DNAH14: variants seen among roughly 807,000 people sequenced by gnomAD.
DNAH14 encodes axonemal beta dynein heavy chain 14.
A neutral mutation model predicts 520.9 loss-of-function variants in DNAH14; 478 were observed. That is an observed-to-expected ratio of 0.92 (90% CI 0.85 to 0.99). The LOEUF (loss-of-function observed/expected upper bound fraction) is 0.99. DNAH14 is among the 50% of genes least tolerant of loss of function. The probability of loss-of-function intolerance (pLI) is 0.00; values close to 1 mark genes in which losing one functional copy is unlikely to be tolerated. For synonymous variants in DNAH14, 1,581 were observed against 1,757.2 expected, an observed-to-expected ratio of 0.90 and a Z score of 2.51; for missense variants, 4,831 against 5,234.5, an observed-to-expected ratio of 0.92 and a Z score of 2.38.
chr1:225,233,979 G>A (rs1402726927), intron 42 of DNAH14, among the ~76,000 whole-genome samples: 2 of 152,092 alleles, frequency 1.3e-5, no homozygotes, highest in Admixed American at 1.3e-4. Flanking sequence ...GTGTAAGGAA[G>A]GGGTCCAGTT....
chr1:225,372,143 C>A lies in DNAH14; in HGVS notation c.12319-2545C>A, dbSNP rs182574598. On this transcript the variant is annotated intron_variant, in intron 77 of 85. Coordinates refer to ENST00000682510, the MANE Select transcript of DNAH14 (RefSeq NM_001367479.1). Reference sequence around the variant, plus strand: ...TGCATCCATGTTCTTTATGGGAAGGCTTCCCATATCATAACTATCAATTCT... The same window carrying A: ...TGCATCCATGTTCTTTATGGGAAGGATTCCCATATCATAACTATCAATTCT... Among the ~76,000 whole-genome samples the A allele has an allele frequency of 5.3e-5, 8 of 152,226 alleles. No homozygotes were observed. In the East Asian group the frequency reaches 1.4e-3, roughly 26 times the overall value.
At chr1:225,033,075 A>G (rs2066660825) in intron 11 of DNAH14, among the ~76,000 whole-genome samples, 1 of 152,100 alleles carries the variant, frequency 6.6e-6, no homozygotes, top group East Asian at 1.9e-4. Context: ...GAAGCTCTTA[A>G]GTTTAATTAG....
intron 37 of DNAH14, among the ~76,000 whole-genome samples, chr1:225,192,213 G>A (rs1221699163): frequency 1.3e-5 from 2 of 152,020 alleles, no homozygotes; most frequent in South Asian, 4.1e-4. Flanking sequence ...GCTTCCACAG[G>A]TCTGTAATCT....
At chr1:225,120,773 A>G (rs990814725) in intron 26 of DNAH14, among the ~76,000 whole-genome samples, 1 of 152,178 alleles carries the variant, frequency 6.6e-6, no homozygotes, top group Non-Finnish European at 1.5e-5. Context: ...TAGGCAAGAA[A>G]CCCTGAAAAA....
chr1:224,973,312 A>G (rs533990233), intron 7 of DNAH14, among the ~76,000 whole-genome samples: 57 of 130,466 alleles, frequency 4.4e-4, no homozygotes, highest in African/African-American at 2.1e-3. Flanking sequence ...TATCCCCACT[A>G]TTTTCCCACT....
intron 43 of DNAH14, among the ~76,000 whole-genome samples, chr1:225,243,712 A>G (rs1405932877): frequency 1.3e-5 from 2 of 152,068 alleles, no homozygotes; most frequent in East Asian, 3.9e-4. Context: ...TGGTACTAAG[A>G]CAAAGAAAGT....
intron 10 of DNAH14, among the ~76,000 whole-genome samples, chr1:225,015,867 C>G (rs1175124363): frequency 6.6e-6 from 1 of 152,156 alleles, no homozygotes; most frequent in Non-Finnish European, 1.5e-5. Context: ...ACTCACCAGA[C>G]TATGGAGGGT....
intron 75 of DNAH14, among the ~76,000 whole-genome samples, chr1:225,362,889 A>G (rs1020016658): frequency 6.6e-6 from 1 of 152,216 alleles, no homozygotes; most frequent in African/African-American, 2.4e-5. Flanking sequence ...AATATGCAGC[A>G]TAATTATTTT....
chr1:225,206,058 C>G lies in DNAH14; in HGVS notation c.6065C>G (p.Thr2022Arg). ...AACTCTGTGCTAGATGATACTAGAA[C>G]ATTGTGCCTAGCAAACAGTGAGAGA... ...NLNSVLDDTR[T>R]LCLANSERIA... is the part of the protein sequence containing the mutation. Residue 2022 changes from threonine (T) to arginine (R), a missense_variant, in exon 40 of 86, where the codon ACA becomes AGA. Coordinates refer to ENST00000682510, the MANE Select transcript of DNAH14 (RefSeq NM_001367479.1). 1 of 1,551,594 alleles carries G rather than the reference C, an allele frequency of 6.4e-7. No individual in the cohort carries two copies. The highest frequency in any genetic ancestry group is 8.7e-7 in the Non-Finnish European group (1 of 1,146,862).
intron 1 of DNAH14, among the ~76,000 whole-genome samples, chr1:224,948,066 G>A (rs1209842256): frequency 6.6e-6 from 1 of 151,812 alleles, no homozygotes; most frequent in Non-Finnish European, 1.5e-5. Flanking sequence ...GTTAAAATCT[G>A]TATCCTTAAT....
At position 225,197,134 on chromosome 1, in the gene DNAH14, G is replaced by T. The variant is rs531451846; in HGVS notation, c.5886+4223G>T. Among the ~76,000 whole-genome samples the T allele has an allele frequency of 2.3e-4, 35 of 152,024 alleles. No individual in the cohort carries two copies. The East Asian group carries it at 3.5e-3, about 15-fold the overall frequency. On this transcript the variant is annotated intron_variant, in intron 38 of 85. Transcript: ENST00000682510. ...CTTGCCTAAGCCAATGTCTAGAAGG[G>T]TTTTTTCAATGATATTTTGTAGAAT... is the stretch of plus-strand genomic sequence containing the variant.
At chr1:225,133,183 C>CT (rs1322254315) in intron 27 of DNAH14, among the ~76,000 whole-genome samples, 1 of 152,132 alleles carries the variant, frequency 6.6e-6, no homozygotes, top group Non-Finnish European at 1.5e-5. Context: ...TTTGTTCACT[C>CT]TGATGATAGT....
chr1:225,017,463 C>G (rs567321843), intron 10 of DNAH14, among the ~76,000 whole-genome samples: 44 of 152,362 alleles, frequency 2.9e-4, no homozygotes, highest in African/African-American at 1.0e-3. Context: ...CACTGGAGCA[C>G]TTTTGCTGGC....
In DNAH14 at chr1:225,224,891, C is replaced by T. The variant is rs765846714; in HGVS notation, c.6440-6182C>T. 1.2e-3 allele frequency among the ~76,000 whole-genome samples: 179 copies of T among 152,156 alleles called. 1 individual carries two copies. Among genetic ancestry groups the T allele is most frequent in the Non-Finnish European group, 5.4e-4 (37 of 68,026 alleles). ...TTTATTGCAGAACCTTGAAACAGCCCTCATTAAGTCCACTCTCAAGCCCAC... is the reference window on the plus strand; with the variant it reads ...TTTATTGCAGAACCTTGAAACAGCCTTCATTAAGTCCACTCTCAAGCCCAC... On this transcript the variant is annotated intron_variant, in intron 41 of 85. Coordinates refer to ENST00000682510, the MANE Select transcript of DNAH14 (RefSeq NM_001367479.1).
At chr1:224,967,739 T>G (rs2061273768) in intron 6 of DNAH14, 156 bp downstream of exon 6, 3 of 1,537,950 alleles carry the variant, frequency 2.0e-6, no homozygotes, top group Non-Finnish European at 8.7e-7. Flanking sequence ...AGCATGTTAT[T>G]TAATAGTGAA....
intron 84 of DNAH14, among the ~76,000 whole-genome samples, chr1:225,394,939 A>AT (rs1413076390): frequency 8.6e-5 from 13 of 151,602 alleles, no homozygotes; most frequent in African/African-American, 3.2e-4. Context: ...ACTCAGCACC[A>AT]TTTTTTCATT....
chr1:225,335,931 CTATATATACATATATGTA>C (rs1463763262), intron 66 of DNAH14, among the ~76,000 whole-genome samples: 13 of 124,356 alleles, frequency 1.0e-4, no homozygotes, highest in African/African-American at 3.9e-4. Context: ...GCACATATAC[CTATATATACATATATGTA>C]TATATACACA....
intron 77 of DNAH14, among the ~76,000 whole-genome samples, chr1:225,372,020 G>A (rs993827988): frequency 6.6e-6 from 1 of 152,104 alleles, no homozygotes; most frequent in Non-Finnish European, 1.5e-5. Flanking sequence ...GGGAAATAGA[G>A]GCACAGTACA....
At chr1:225,246,863 A>C (rs186890796) in intron 43 of DNAH14, among the ~76,000 whole-genome samples, 26 of 152,326 alleles carry the variant, frequency 1.7e-4, no homozygotes, top group African/African-American at 6.0e-4. Context: ...TTGACCCAGC[A>C]ATCCCATTAC....
Sources: gnomAD v4.1 joint callset for allele counts (sites outside exome capture counted in the v4.1 genomes callset) on GRCh38, gnomAD v4.1.1 for gene constraint, MANE v1.5 for transcripts, NCBI Gene and HGNC (gene_info 2026-07-23, HGNC 2026-07-21) for gene names.